The following NAALAD2 variants were observed in gnomAD, a reference collection of about 807,000 sequenced individuals.
NAALAD2 encodes N-acetylated alpha-linked acidic dipeptidase 2, also known as N-acetylated-alpha-linked acidic dipeptidase 2.
A neutral mutation model predicts 95.6 loss-of-function variants in NAALAD2; 89 were observed. That is an observed-to-expected ratio of 0.93 (90% CI 0.78 to 1.11). The LOEUF (loss-of-function observed/expected upper bound fraction) is 1.11. NAALAD2 is among the 50% of genes least tolerant of loss of function. The probability of loss-of-function intolerance (pLI) is 0.00; values close to 1 mark genes in which losing one functional copy is unlikely to be tolerated. For synonymous variants in NAALAD2, 264 were observed against 294.4 expected (o/e 0.90, Z 1.06); for missense variants, 894 against 872.4 (o/e 1.02, Z -0.31).
intron 11 of NAALAD2, among the ~76,000 whole-genome samples, chr11:90,168,471 C>T (rs1952542485): frequency 6.6e-6 from 1 of 152,158 alleles, no homozygotes; most frequent in African/African-American, 2.4e-5. Flanking sequence ...CGTGCCGCTG[C>T]ATTCTAGCCT....
rs114685349 is a variant in NAALAD2 at position 90,151,760 on chromosome 11, G to A, written c.610-538G>A. Among the ~76,000 whole-genome samples the A allele has an allele frequency of 6.3e-3, 960 of 152,164 alleles. 17 individuals are homozygous for A. The highest frequency in any genetic ancestry group is 0.022 in the African/African-American group (912 of 41,526). Reference sequence around the variant, plus strand: ...ACATTTTCCTATTTTTGGCCAGTTTGGATTGTTAGAAAGATGTTTACAAAA... The same window carrying A: ...ACATTTTCCTATTTTTGGCCAGTTTAGATTGTTAGAAAGATGTTTACAAAA... On this transcript the variant is annotated intron_variant, in intron 5 of 18. Transcript: ENST00000534061.
intron 18 of NAALAD2, among the ~76,000 whole-genome samples, chr11:90,188,335 T>C (rs1202782441): frequency 6.6e-6 from 1 of 152,206 alleles, no homozygotes; most frequent in Non-Finnish European, 1.5e-5. Context: ...GTGGAACATA[T>C]AAAACATTCT....
chr11:90,163,700 T>C (rs749612736), intron 11 of NAALAD2, 83 bp downstream of exon 11: 1 of 1,208,644 alleles, frequency 8.3e-7, no homozygotes, highest in South Asian at 1.2e-5. Context: ...ATCAAAAATA[T>C]ATTCCATTAC....
At chr11:90,170,205 T>C (rs1018570607) in intron 13 of NAALAD2, 69 bp downstream of exon 13, 1 of 943,392 alleles carries the variant, frequency 1.1e-6, no homozygotes, top group African/African-American at 1.6e-5. Flanking sequence ...TGTTCCCCCC[T>C]AAATTAATGG....
chr11:90,134,684 G>A lies in NAALAD2; in HGVS notation c.-75G>A. ...ACCCAGAGCTCACAGCCTCCTGCCA[G>A]CGCGCTCTCTGTTTCTCTGCAGCCC... On this transcript the variant is annotated 5_prime_UTR_variant, in exon 1 of 19. Transcript: ENST00000534061. 5 of 1,466,044 alleles carry A rather than the reference G, an allele frequency of 3.4e-6. No homozygotes were observed. In the South Asian group the frequency reaches 5.7e-5, roughly 17 times the overall value. The allele number at this position is 1,466,044 out of a possible 1,614,324, so 90.8% of individuals were successfully genotyped here. A position where few individuals can be genotyped will look rare whatever the true frequency, so the allele number is the denominator to read the frequency against.
At chr11:90,133,269 C>T (rs536236146), upstream of NAALAD2, among the ~76,000 whole-genome samples, 2 of 152,230 alleles carry the variant, frequency 1.3e-5, no homozygotes, top group Admixed American at 1.3e-4. Context: ...TACGTGAAGC[C>T]AATCATAAAT....
intron 11 of NAALAD2, among the ~76,000 whole-genome samples, chr11:90,167,326 C>T (rs1237170023): frequency 1.3e-5 from 2 of 152,198 alleles, no homozygotes; most frequent in Non-Finnish European, 2.9e-5. Context: ...GGGCTTAGCG[C>T]CTGGGCCAGC....
intron 3 of NAALAD2, among the ~76,000 whole-genome samples, chr11:90,148,709 T>C (rs1951812407): frequency 7.8e-6 from 1 of 128,146 alleles, no homozygotes; most frequent in African/African-American, 3.4e-5. Flanking sequence ...CAAAGGAAGC[T>C]GAAAAGGCAT....
At chr11:90,134,009 G>T (rs773387288), upstream of NAALAD2, among the ~76,000 whole-genome samples, 1 of 152,150 alleles carries the variant, frequency 6.6e-6, no homozygotes, top group Middle Eastern at 3.2e-3. Flanking sequence ...GCATGTCAAA[G>T]CACCATATTT....
intron 1 of NAALAD2, chr11:90,135,221 G>T (rs1419303346): frequency 6.7e-6 from 2 of 300,746 alleles, no homozygotes; most frequent in Non-Finnish European, 1.2e-5. Context: ...ACAAAACCCT[G>T]CTCTATACGT....
At chr11:90,150,723 TTC>T (rs113877304) in intron 5 of NAALAD2, 116 bp downstream of exon 5, 2 of 934,936 alleles carry the variant, frequency 2.1e-6, no homozygotes, top group Non-Finnish European at 2.9e-6. Flanking sequence ...TTTTCTTTTT[TTC>T]TTCCTATTTG....
chr11:90,177,670 C>A (rs1384670811), intron 15 of NAALAD2, among the ~76,000 whole-genome samples, 183 bp from the exon 16 acceptor site: 3 of 90,164 alleles, frequency 3.3e-5, no homozygotes, highest in Admixed American at 1.8e-4. Context: ...CCAGGCTGGT[C>A]TTGAACTCCT....
At chr11:90,163,277 A>G (rs773515033) in intron 9 of NAALAD2, 33 bp from the exon 10 acceptor site, 1 of 1,588,754 alleles carries the variant, frequency 6.3e-7, no homozygotes, top group Admixed American at 1.8e-5. Flanking sequence ...ATGTATTCAA[A>G]GTTGTAGGTT....
chr11:90,179,798 T>C (rs1267434162), intron 16 of NAALAD2, among the ~76,000 whole-genome samples: 1 of 152,084 alleles, frequency 6.6e-6, no homozygotes, highest in Admixed American at 6.6e-5. Flanking sequence ...GTGGAAGGGC[T>C]CTCTTTAGAC....
chr11:90,189,468 A>G (rs1054462790), intron 18 of NAALAD2, among the ~76,000 whole-genome samples: 1 of 152,190 alleles, frequency 6.6e-6, no homozygotes, highest in African/African-American at 2.4e-5. Flanking sequence ...TTTAATTATG[A>G]AATTCTAGAA....
chr11:90,135,008 T>C (rs1198488337), intron 1 of NAALAD2, 168 bp downstream of exon 1: 1 of 656,324 alleles, frequency 1.5e-6, no homozygotes, highest in Non-Finnish European at 2.6e-6. Flanking sequence ...CCAGATGGAA[T>C]GTATTTTGGG....
At position 90,170,119 on chromosome 11, in the gene NAALAD2, T is replaced by C. The variant is rs200072686; in HGVS notation, c.1393T>C (p.Tyr465His). Residue 465 changes from tyrosine (Y) to histidine (H), a missense_variant, in exon 13 of 19, where the codon TAT (tyrosine) becomes CAT (histidine). Coordinates refer to ENST00000534061, the MANE Select transcript of NAALAD2 (RefSeq NM_005467.4). ...DCTPLLYQLVYKLTKEIPSPD... is the reference protein window; with the variant it reads ...DCTPLLYQLVHKLTKEIPSPD... ...TACTCCCCTTCTTTACCAATTAGTG[T>C]ATAAACTGACAAAAGAGGTATATAA... 4.4e-6 allele frequency: 7 copies of C among 1,589,754 alleles called. No individual in the cohort carries two copies. In the Admixed American group the frequency reaches 5.0e-5, roughly 11 times the overall value.
At chr11:90,138,725 CTTTTTTTTTTT>C (rs562496549) in intron 2 of NAALAD2, among the ~76,000 whole-genome samples, 268 of 61,496 alleles carry the variant, frequency 4.4e-3, no homozygotes, top group African/African-American at 0.011. Context: ...CATCCCTCAA[CTTTTTTTTTTT>C]TTTTTTTTTT....
intron 2 of NAALAD2, among the ~76,000 whole-genome samples, chr11:90,143,105 C>A (rs1396633750): frequency 2.6e-5 from 4 of 151,958 alleles, no homozygotes; most frequent in Non-Finnish European, 1.5e-5. Flanking sequence ...TTTCTTTGAA[C>A]ATGTATATGT....
Sources: allele counts gnomAD v4.1 joint callset (sites outside exome capture counted in the v4.1 genomes callset), GRCh38; gene constraint gnomAD v4.1.1; transcripts MANE v1.5; gene names NCBI Gene and HGNC (gene_info 2026-07-23, HGNC 2026-07-21).